The following DLG2 variants were observed in gnomAD, a reference collection of about 807,000 sequenced individuals.
DLG2 encodes the protein disks large homolog 2.
In DLG2, 45 loss-of-function variants were observed where a neutral mutation model predicts 132.5. The ratio of observed to expected loss-of-function variants is 0.34; its 90% confidence interval spans 0.27 to 0.44. The LOEUF (loss-of-function observed/expected upper bound fraction) is 0.44, where lower values mean the gene tolerates loss of function less well. DLG2 is among the 20% of genes least tolerant of loss of function. The pLI is 1.00. For missense variants in DLG2, 1,045 were observed against 1,196.9 expected, an observed-to-expected ratio of 0.87 and a Z score of 1.87; for synonymous variants, 424 against 419.6, an observed-to-expected ratio of 1.01 and a Z score of -0.13.
chr11:85,421,734 GT>G (rs1235505878), intron 3 of DLG2, among the ~76,000 whole-genome samples: 1 of 151,700 alleles, frequency 6.6e-6, no homozygotes, highest in African/African-American at 2.4e-5. Context: ...TTGGTTTTTT[GT>G]TTTTTGTTTT....
At chr11:84,199,594 A>C (rs1443309662) in intron 8 of DLG2, among the ~76,000 whole-genome samples, 1 of 152,120 alleles carries the variant, frequency 6.6e-6, no homozygotes, top group African/African-American at 2.4e-5. Context: ...CTTGGCAGTA[A>C]ACTGAAAATA....
At chr11:85,407,914 G>A (rs555049738) in intron 3 of DLG2, among the ~76,000 whole-genome samples, 7 of 151,682 alleles carry the variant, frequency 4.6e-5, no homozygotes, top group African/African-American at 1.4e-4. Context: ...GCATGGAGAG[G>A]CACATATGGC....
At chr11:84,732,432 T>C (rs760145484) in intron 6 of DLG2, among the ~76,000 whole-genome samples, 1 of 152,048 alleles carries the variant, frequency 6.6e-6, no homozygotes, top group South Asian at 2.1e-4. Flanking sequence ...CACCTGGTAT[T>C]GTCAATCATT....
chr11:84,225,033 T>C (rs978471667), intron 8 of DLG2, among the ~76,000 whole-genome samples: 1 of 152,174 alleles, frequency 6.6e-6, no homozygotes, highest in Non-Finnish European at 1.5e-5. Flanking sequence ...AGTGTACTTC[T>C]TACTCCCTCT....
chr11:83,731,757 G>T (rs111898776), intron 18 of DLG2, among the ~76,000 whole-genome samples: 3 of 152,196 alleles, frequency 2.0e-5, no homozygotes, highest in Admixed American at 2.0e-4. Context: ...CCCACCAACA[G>T]TGTAAAAGCA....
At chr11:84,642,575 T>C (rs1046165869) in intron 6 of DLG2, among the ~76,000 whole-genome samples, 3 of 152,114 alleles carry the variant, frequency 2.0e-5, no homozygotes, top group Non-Finnish European at 4.4e-5. Flanking sequence ...GCCTTCCTGT[T>C]GCTTACAATC....
chr11:85,167,093 A>G (rs1241524618), intron 4 of DLG2, among the ~76,000 whole-genome samples: 1 of 152,146 alleles, frequency 6.6e-6, no homozygotes. Flanking sequence ...CATGTACAAA[A>G]TCTGTGTCCT....
intron 18 of DLG2, among the ~76,000 whole-genome samples, chr11:83,743,586 A>G (rs959741895): frequency 6.6e-6 from 1 of 151,876 alleles, no homozygotes. Flanking sequence ...GGTGCATGCC[A>G]ACACACCCAG....
chr11:85,285,701 C>T (rs1020078260), intron 3 of DLG2, among the ~76,000 whole-genome samples: 3 of 151,778 alleles, frequency 2.0e-5, no homozygotes, highest in Non-Finnish European at 4.4e-5. Context: ...ATGCATATTG[C>T]TAAGTGAAAG....
chr11:85,246,407 T>C (rs372643584), intron 4 of DLG2, among the ~76,000 whole-genome samples: 1 of 151,972 alleles, frequency 6.6e-6, no homozygotes. Context: ...TTGAATTCCA[T>C]ATCAAAACTA....
At position 85,106,610 on chromosome 11, in the gene DLG2, C is replaced by G. The variant is rs531405142; in HGVS notation, c.357+5051G>C. 5.3e-5 allele frequency among the ~76,000 whole-genome samples: 8 copies of G among 152,110 alleles called. No homozygotes were observed. In the South Asian group the frequency reaches 1.2e-3, roughly 24 times the overall value. On this transcript the variant is annotated intron_variant, in intron 6 of 27. Transcript: ENST00000376104. The stretch of plus-strand genomic sequence containing the variant: ...TATCCTTTTCTTTCTTTCCTTCTAG[C>G]ACTTACTAAGCACTTAATTATGTGC...
intron 7 of DLG2, among the ~76,000 whole-genome samples, chr11:84,461,625 T>C (rs1297036947): frequency 2.6e-5 from 4 of 151,060 alleles, no homozygotes; most frequent in African/African-American, 7.3e-5. Flanking sequence ...CAGGACTTCA[T>C]TGAAGACTTG....
At chr11:84,531,797 G>C (rs951917616) in intron 7 of DLG2, among the ~76,000 whole-genome samples, 1 of 152,286 alleles carries the variant, frequency 6.6e-6, no homozygotes, top group Non-Finnish European at 1.5e-5. Context: ...AAATTAGTTA[G>C]AAGTGACATA....
chr11:85,124,924 A>G (rs546633542), intron 5 of DLG2, among the ~76,000 whole-genome samples: 2 of 151,110 alleles, frequency 1.3e-5, no homozygotes, highest in East Asian at 2.0e-4. Flanking sequence ...TCCGCCTCCC[A>G]GGTTCACGCC....
chr11:85,228,611 T>C (rs1379779235), intron 4 of DLG2, among the ~76,000 whole-genome samples: 1 of 152,054 alleles, frequency 6.6e-6, no homozygotes, highest in Non-Finnish European at 1.5e-5. Flanking sequence ...CATTTAAGCC[T>C]ACTGTGTTTG....
intron 6 of DLG2, among the ~76,000 whole-genome samples, chr11:84,762,839 A>G (rs2067829312): frequency 6.6e-6 from 1 of 152,166 alleles, no homozygotes; most frequent in Non-Finnish European, 1.5e-5. Context: ...AATTTCAATA[A>G]AGCATACTAA....
chr11:83,996,060 T>C (rs1330435166), intron 11 of DLG2, among the ~76,000 whole-genome samples: 2 of 152,138 alleles, frequency 1.3e-5, no homozygotes. Context: ...GGAGAAAATG[T>C]TTGTAAACTA....
chr11:85,368,455 T>C (rs2084718011), intron 3 of DLG2, among the ~76,000 whole-genome samples: 1 of 152,184 alleles, frequency 6.6e-6, no homozygotes, highest in African/African-American at 2.4e-5. Context: ...AACAAATCAT[T>C]TGACATATAT....
intron 19 of DLG2, chr11:83,631,514 G>C (rs1252635237): frequency 6.6e-6 from 1 of 151,894 alleles, no homozygotes. Context: ...CTAAGTCTTT[G>C]TCTCTTCTGT....
Sources: allele counts gnomAD v4.1 joint callset (sites outside exome capture counted in the v4.1 genomes callset), GRCh38; gene constraint gnomAD v4.1.1; transcripts MANE v1.5; gene names NCBI Gene and HGNC (gene_info 2026-07-23, HGNC 2026-07-21).